Variants in TSPAN15 observed in about 807,000 individuals in gnomAD.
TSPAN15 encodes the protein tetraspanin 15.
In TSPAN15, 20 loss-of-function variants were observed where a neutral mutation model predicts 34.5. The observed-to-expected ratio is 0.58, with a 90% CI of 0.41 to 0.84. TSPAN15 has a LOEUF of 0.84. TSPAN15 is among the 40% of genes least tolerant of loss of function. TSPAN15 has a pLI of 0.00. For synonymous variants in TSPAN15, 155 were observed against 153.9 expected, an observed-to-expected ratio of 1.01 and a Z score of -0.05; for missense variants, 313 against 386.1, an observed-to-expected ratio of 0.81 and a Z score of 1.59.
chr10:69,473,264 A>G, intron 1 of TSPAN15, among the ~76,000 whole-genome samples: 1 of 152,104 alleles, frequency 6.6e-6, no homozygotes, highest in Non-Finnish European at 1.5e-5. Context: ...GGCTCAAGCG[A>G]TGGGAGGAGG....
chr10:69,461,233 G>A (rs1667806660), intron 1 of TSPAN15, among the ~76,000 whole-genome samples: 3 of 152,242 alleles, frequency 2.0e-5, no homozygotes, highest in Admixed American at 6.5e-5. Flanking sequence ...TAACTTGTGT[G>A]AGAACCATCA....
At chr10:69,464,148 G>T (rs1034021974) in intron 1 of TSPAN15, among the ~76,000 whole-genome samples, 3 of 152,232 alleles carry the variant, frequency 2.0e-5, no homozygotes, top group African/African-American at 7.2e-5. Context: ...TAGAGCCTCC[G>T]GAGAGAGTAT....
In TSPAN15 at chr10:69,498,206, C is replaced by T. The variant is rs949211204; in HGVS notation, c.454-74C>T. ...ATAATAAACTGCCTCCGTCTCCTGA[C>T]AGGGCCCCTTCCTGTCGTCTGAGCA... On this transcript the variant is annotated intron_variant, in intron 4 of 7. Coordinates refer to ENST00000373290, the MANE Select transcript of TSPAN15 (RefSeq NM_012339.5). 1.0e-5 allele frequency: 14 copies of T among 1,367,754 alleles called. No homozygotes were observed. In the African/African-American group the frequency reaches 2.0e-4, roughly 20 times the overall value. The allele number at this position is 1,367,754 out of a possible 1,614,324, so 84.7% of individuals were successfully genotyped here. A position where few individuals can be genotyped will look rare whatever the true frequency, so the allele number is the denominator to read the frequency against.
intron 1 of TSPAN15, among the ~76,000 whole-genome samples, chr10:69,458,486 A>G (rs1841165113): frequency 6.6e-6 from 1 of 152,124 alleles, no homozygotes; most frequent in African/African-American, 2.4e-5. Context: ...ATTGTGTTTG[A>G]TTTGTCGAGC....
the TSPAN15 span, among the ~76,000 whole-genome samples, chr10:69,534,101 G>A: frequency 4.6e-5 from 7 of 152,104 alleles, no homozygotes; most frequent in Non-Finnish European, 1.0e-4. Context: ...AGAAGTGAAA[G>A]AAAATTGGAT....
the TSPAN15 span, among the ~76,000 whole-genome samples, chr10:69,517,350 C>T: frequency 6.6e-6 from 1 of 152,208 alleles, no homozygotes; most frequent in Non-Finnish European, 1.5e-5. Flanking sequence ...CTTGGAGCAG[C>T]TTCTAGCAGG....
the TSPAN15 span, among the ~76,000 whole-genome samples, chr10:69,519,112 G>A: frequency 6.6e-6 from 1 of 152,222 alleles, no homozygotes; most frequent in Non-Finnish European, 1.5e-5. Context: ...GAGGAGAAAA[G>A]CTAGTTGCAT....
the TSPAN15 span, among the ~76,000 whole-genome samples, chr10:69,527,912 T>G: frequency 2.7e-5 from 4 of 148,154 alleles, 1 homozygote; most frequent in South Asian, 8.5e-4. Flanking sequence ...TTTAATTTAC[T>G]TTGATGACGG....
At chr10:69,455,031 C>T (rs1426711216) in intron 1 of TSPAN15, among the ~76,000 whole-genome samples, 5 of 150,800 alleles carry the variant, frequency 3.3e-5, no homozygotes, top group South Asian at 4.2e-4. Context: ...GGTATGGTGG[C>T]GTGTGCCTGT....
chr10:69,538,795 G>A, the TSPAN15 span, among the ~76,000 whole-genome samples: 7 of 152,132 alleles, frequency 4.6e-5, no homozygotes, highest in Admixed American at 3.3e-4. Flanking sequence ...ACGTGTAGAC[G>A]CCCCAGCCTG....
chr10:69,534,519 G>A, the TSPAN15 span, among the ~76,000 whole-genome samples: 9 of 152,220 alleles, frequency 5.9e-5, no homozygotes, highest in South Asian at 2.1e-4. Context: ...TAATCATATC[G>A]GTGGTGATAG....
At chr10:69,473,393 A>G (rs1405876494) in intron 1 of TSPAN15, among the ~76,000 whole-genome samples, 2 of 152,160 alleles carry the variant, frequency 1.3e-5, no homozygotes, top group Non-Finnish European at 2.9e-5. Flanking sequence ...GCCTTCATCA[A>G]GGCTGGGGAG....
At position 69,491,762 on chromosome 10, in the gene TSPAN15, A is replaced by G. The variant is rs111642004; in HGVS notation, c.358-3832A>G. Among the ~76,000 whole-genome samples the G allele has an allele frequency of 2.6e-5, 4 of 152,316 alleles. 1 individual carries two copies. The highest frequency in any genetic ancestry group is 9.6e-5 in the African/African-American group (4 of 41,574). On this transcript the variant is annotated intron_variant, in intron 3 of 7. Transcript: ENST00000373290. ...CATGGAAGTGGTGTTAGCCAGAGGCAGCCTGAGGGAGCCCCGGGCCACTCC... is the reference window on the plus strand; with the variant it reads ...CATGGAAGTGGTGTTAGCCAGAGGCGGCCTGAGGGAGCCCCGGGCCACTCC...
intron 1 of TSPAN15, among the ~76,000 whole-genome samples, chr10:69,470,555 C>T (rs1288387742): frequency 1.3e-5 from 2 of 152,166 alleles, no homozygotes; most frequent in African/African-American, 2.4e-5. Flanking sequence ...CCTGACCAGC[C>T]CCTCCCACCT....
At chr10:69,544,674 T>G in the TSPAN15 span, among the ~76,000 whole-genome samples, 2 of 152,138 alleles carry the variant, frequency 1.3e-5, no homozygotes, top group African/African-American at 2.4e-5. Context: ...TAGGAACGAT[T>G]GAGTACTGGA....
At chr10:69,494,568 G>C (rs1342771990) in intron 3 of TSPAN15, 2 of 920,544 alleles carry the variant, frequency 2.2e-6, no homozygotes, top group Non-Finnish European at 2.6e-6. Flanking sequence ...CTTGGTTTTT[G>C]ATTCTCAGAG....
the TSPAN15 span, among the ~76,000 whole-genome samples, chr10:69,545,333 C>G: frequency 6.6e-6 from 1 of 152,200 alleles, no homozygotes; most frequent in Non-Finnish European, 1.5e-5. Flanking sequence ...CTGCTCCCCT[C>G]TGATCTCCCC....
rs1842355228 is a variant in TSPAN15, at chr10:69,507,390, A to T, written c.*412A>T. On this transcript the variant is annotated 3_prime_UTR_variant, in exon 8 of 8. Coordinates refer to ENST00000373290, the MANE Select transcript of TSPAN15 (RefSeq NM_012339.5). Reference sequence around the variant, plus strand: ...GCCCCTCGGGGCAGGAGGGAAGGGCATCTGGGGAAGGGCAGGAGGGAAGAG... The same window carrying T: ...GCCCCTCGGGGCAGGAGGGAAGGGCTTCTGGGGAAGGGCAGGAGGGAAGAG... 8.2e-7 allele frequency: 1 copy of T among 1,224,388 alleles called. No individual in the cohort carries two copies. Among genetic ancestry groups the T allele is most frequent in the Non-Finnish European group, 1.0e-6 (1 of 960,556 alleles). The allele number at this position is 1,224,388 out of a possible 1,614,324, so 75.8% of individuals were successfully genotyped here. A position where few individuals can be genotyped will look rare whatever the true frequency, so the allele number is the denominator to read the frequency against.
chr10:69,542,872 A>G, the TSPAN15 span, among the ~76,000 whole-genome samples: 1 of 152,220 alleles, frequency 6.6e-6, no homozygotes, highest in Non-Finnish European at 1.5e-5. Flanking sequence ...AAATCTAACA[A>G]TTAAGATACA....
Sources: gnomAD v4.1 joint callset for allele counts (sites outside exome capture counted in the v4.1 genomes callset) on GRCh38, gnomAD v4.1.1 for gene constraint, MANE v1.5 for transcripts, NCBI Gene and HGNC (gene_info 2026-07-23, HGNC 2026-07-21) for gene names.